TNNI3K: variants seen among roughly 807,000 people sequenced by gnomAD.
The protein encoded by TNNI3K is TNNI3 interacting kinase.
A neutral mutation model predicts 114.5 loss-of-function variants in TNNI3K; 140 were observed. The ratio of observed to expected loss-of-function variants is 1.22; its 90% confidence interval spans 1.07 to 1.41. The LOEUF (loss-of-function observed/expected upper bound fraction) is 1.41. Among genes scored for constraint, TNNI3K ranks in the 40% most tolerant of loss-of-function variants. The pLI is 0.00. For missense variants in TNNI3K, 1,125 were observed against 1,007.6 expected (o/e 1.12, Z -1.58); for synonymous variants, 347 against 347.5 (o/e 1.00, Z 0.02).
intron 17 of TNNI3K, among the ~76,000 whole-genome samples, chr1:74,399,214 A>G (rs531348303): frequency 6.6e-6 from 1 of 151,006 alleles, no homozygotes; most frequent in Non-Finnish European, 1.5e-5. Context: ...CTTGGACCAA[A>G]TGTCTCCCAA....
chr1:74,351,101 G>T (rs1570503931), intron 9 of TNNI3K, among the ~76,000 whole-genome samples: 1 of 151,550 alleles, frequency 6.6e-6, no homozygotes, highest in African/African-American at 2.4e-5. Flanking sequence ...GCAGTGGCTG[G>T]TACCAGTTGT....
intron 20 of TNNI3K, among the ~76,000 whole-genome samples, chr1:74,449,880 G>A (rs1315377760): frequency 7.2e-6 from 1 of 138,294 alleles, no homozygotes; most frequent in Non-Finnish European, 1.5e-5. Context: ...CCCAGGAATT[G>A]AACTCAGCTC....
chr1:74,331,270 T>G (rs921121672), intron 5 of TNNI3K, among the ~76,000 whole-genome samples, 180 bp from the exon 6 acceptor site: 2 of 152,124 alleles, frequency 1.3e-5, no homozygotes, highest in African/African-American at 4.8e-5. Context: ...CTAAGGAAAT[T>G]TAGTCTTTAT....
At chr1:74,483,206 C>A in intron 21 of TNNI3K, 2 of 710,020 alleles carry the variant, frequency 2.8e-6, no homozygotes, top group South Asian at 3.0e-5. Flanking sequence ...AAAGGTATGG[C>A]AACCAATTTT....
chr1:74,325,771 G>A (rs756458559), intron 5 of TNNI3K, among the ~76,000 whole-genome samples: 4 of 151,980 alleles, frequency 2.6e-5, no homozygotes, highest in Non-Finnish European at 4.4e-5. Flanking sequence ...ATAGTTGGAG[G>A]GGACCATAAT....
At chr1:74,494,143 C>A (rs757348864) in intron 23 of TNNI3K, among the ~76,000 whole-genome samples, 3 of 152,124 alleles carry the variant, frequency 2.0e-5, no homozygotes, top group Non-Finnish European at 2.9e-5. Context: ...AGCACCAAAG[C>A]ATTTGCACAC....
chr1:74,355,943 A>G (rs775903397), intron 11 of TNNI3K, among the ~76,000 whole-genome samples: 2 of 152,180 alleles, frequency 1.3e-5, no homozygotes, highest in Non-Finnish European at 2.9e-5. Context: ...TATTATAACC[A>G]TATAGGTCAA....
chr1:74,277,967 G>A (rs1001909420), intron 5 of TNNI3K, among the ~76,000 whole-genome samples: 9 of 152,160 alleles, frequency 5.9e-5, no homozygotes, highest in Admixed American at 5.9e-4. Context: ...AATGCACTCA[G>A]TATTGTTTCA....
intron 23 of TNNI3K, among the ~76,000 whole-genome samples, chr1:74,530,024 G>T (rs1646559976): frequency 6.6e-6 from 1 of 152,144 alleles, no homozygotes; most frequent in Non-Finnish European, 1.5e-5. Context: ...GAGAACAGTG[G>T]TAGGATCACA....
chr1:74,540,605 T>TA (rs1557637867), intron 24 of TNNI3K, among the ~76,000 whole-genome samples: 88 of 109,992 alleles, frequency 8.0e-4, no homozygotes, highest in African/African-American at 3.9e-3. Flanking sequence ...AACTCTTTTT[T>TA]TAAAAAAAAA....
intron 17 of TNNI3K, among the ~76,000 whole-genome samples, chr1:74,406,845 G>A (rs1396584892): frequency 6.6e-6 from 1 of 152,190 alleles, no homozygotes; most frequent in Non-Finnish European, 1.5e-5. Flanking sequence ...ACTGCAGAAT[G>A]TCTCCGCTGC....
At chr1:74,325,026 C>T (rs74343538) in intron 5 of TNNI3K, among the ~76,000 whole-genome samples, 26 of 152,256 alleles carry the variant, frequency 1.7e-4, no homozygotes, top group African/African-American at 6.3e-4. Flanking sequence ...AAGCTGAAGT[C>T]AGCTGTTCTC....
chr1:74,514,791 G>A (rs1033092100), intron 23 of TNNI3K, among the ~76,000 whole-genome samples: 1 of 152,062 alleles, frequency 6.6e-6, no homozygotes, highest in South Asian at 2.1e-4. Context: ...GGGTTGAATT[G>A]TATCCCCCAA....
chr1:74,329,914 C>T lies in TNNI3K; in HGVS notation c.445-1536C>T, dbSNP rs142397201. ...CATATAAACAGAAGAGGTGATAGGACATAAGTCCCTTGAGCTCTTAAATTC... is the reference window on the plus strand; with the variant it reads ...CATATAAACAGAAGAGGTGATAGGATATAAGTCCCTTGAGCTCTTAAATTC... On this transcript the variant is annotated intron_variant, in intron 5 of 24. Coordinates refer to ENST00000326637, the MANE Select transcript of TNNI3K (RefSeq NM_015978.3). Among the ~76,000 whole-genome samples the T allele has an allele frequency of 3.2e-4, 48 of 152,132 alleles. No individual in the cohort carries two copies. In the East Asian group the frequency reaches 8.9e-3, roughly 28 times the overall value.
At chr1:74,472,684 G>C (rs1667997308) in intron 21 of TNNI3K, among the ~76,000 whole-genome samples, 1 of 151,980 alleles carries the variant, frequency 6.6e-6, no homozygotes, top group African/African-American at 2.4e-5. Flanking sequence ...CAATACTATT[G>C]ACTCAATGAA....
intron 21 of TNNI3K, among the ~76,000 whole-genome samples, chr1:74,479,237 C>A (rs1359893394): frequency 1.3e-5 from 2 of 152,138 alleles, no homozygotes; most frequent in African/African-American, 4.8e-5. Context: ...GAGGAAAACA[C>A]ACACATCGAG....
intron 9 of TNNI3K, among the ~76,000 whole-genome samples, chr1:74,344,865 A>G (rs1039068231): frequency 1.3e-5 from 2 of 152,162 alleles, no homozygotes; most frequent in Admixed American, 6.6e-5. Context: ...TATTTATAAA[A>G]GAAACTCCTT....
chr1:74,353,687 T>C (rs544741209), intron 10 of TNNI3K, among the ~76,000 whole-genome samples: 2 of 152,210 alleles, frequency 1.3e-5, no homozygotes, highest in African/African-American at 2.4e-5. Context: ...TGTTCCTTTA[T>C]TTGTGTAAAG....
intron 5 of TNNI3K, among the ~76,000 whole-genome samples, chr1:74,305,145 G>A (rs1457173539): frequency 6.6e-6 from 1 of 152,136 alleles, no homozygotes; most frequent in East Asian, 1.9e-4. Flanking sequence ...AAGTAGGAAA[G>A]GGATGTAGAG....
Sources: allele counts gnomAD v4.1 joint callset (sites outside exome capture counted in the v4.1 genomes callset), GRCh38; gene constraint gnomAD v4.1.1; transcripts MANE v1.5; gene names NCBI Gene and HGNC (gene_info 2026-07-23, HGNC 2026-07-21).